Variants in TMEM63B observed in about 807,000 individuals in gnomAD.
TMEM63B encodes mechanosensitive cation channel TMEM63B.
A neutral mutation model predicts 102.6 loss-of-function variants in TMEM63B; 23 were observed. The ratio of observed to expected loss-of-function variants is 0.22; its 90% CI spans 0.16 to 0.32. TMEM63B has a LOEUF of 0.32. Ranked by LOEUF, TMEM63B falls within the 10% of genes least tolerant of loss-of-function variation. The pLI, the probability that TMEM63B is intolerant of heterozygous loss-of-function variation, is 1.00. For missense variants in TMEM63B, 628 were observed against 1,095.9 expected, an observed-to-expected ratio of 0.57 and a Z score of 6.03; for synonymous variants, 444 against 437.0, an observed-to-expected ratio of 1.02 and a Z score of -0.20.
intron 10 of TMEM63B, among the ~76,000 whole-genome samples, chr6:44,142,415 A>T (rs188735946): frequency 0.016 from 2,451 of 152,174 alleles, 27 homozygotes; most frequent in Middle Eastern, 0.058. Context: ...CAGTAGTCTC[A>T]GCTACTCAGG....
intron 5 of TMEM63B, 73 bp from the exon 6 acceptor site, chr6:44,138,407 T>C: frequency 6.3e-7 from 1 of 1,591,018 alleles, no homozygotes; most frequent in Non-Finnish European, 8.6e-7. Flanking sequence ...TGAGAATGGG[T>C]GGGACTTGAG....
rs771382368 is a variant in TMEM63B at position 44,149,977 on chromosome 6, C to T, written c.1520+12C>T. The T allele has an allele frequency of 6.2e-7, 1 of 1,606,810 alleles. No homozygotes were observed. Among genetic ancestry groups the T allele is most frequent in the African/African-American group, 1.3e-5 (1 of 74,896 alleles). ...GCCCACTGGACACGGTAAGGTGCCT[C>T]CACTCACACCACACCTCGCTGTGGC... On this transcript the variant is annotated intron_variant, in intron 16 of 23. Coordinates refer to ENST00000323267, the MANE Select transcript of TMEM63B (RefSeq NM_018426.3).
At chr6:44,154,296 G>A (rs1767523575) in intron 22 of TMEM63B, 69 bp from the exon 23 acceptor site, 2 of 1,604,236 alleles carry the variant, frequency 1.2e-6, no homozygotes, top group East Asian at 4.5e-5. Context: ...ACAGGGCCAA[G>A]CGGGCGTGGG....
intron 1 of TMEM63B, among the ~76,000 whole-genome samples, chr6:44,133,078 C>T (rs1199424996): frequency 1.3e-5 from 2 of 152,136 alleles, no homozygotes; most frequent in South Asian, 2.1e-4. Context: ...ATATATTATT[C>T]TTGAAACTGA....
In TMEM63B at chr6:44,152,582, C is replaced by CT; in HGVS notation, c.1837-10dup. On this transcript the variant is annotated splice_polypyrimidine_tract_variant and intron_variant, in intron 19 of 23. Transcript: ENST00000323267. This position sits in a 1 kb window ranked among gnomAD's most constrained non-coding sequence, Gnocchi z 6.4. The stretch of plus-strand genomic sequence containing the variant: ...CTCCCTGAGCCATCCTCCTGCCCGT[C>CT]TCCCCCCCAGCATCAGGCCTACGAG... 1.2e-6 allele frequency: 2 copies of CT among 1,605,254 alleles called. No individual in the cohort carries two copies. Among genetic ancestry groups the CT allele is most frequent in the Admixed American group, 1.7e-5 (1 of 59,994 alleles).
chr6:44,134,464 TG>T, intron 1 of TMEM63B, 96 bp from the exon 2 acceptor site: 1 of 1,305,830 alleles, frequency 7.7e-7, no homozygotes, highest in Non-Finnish European at 1.0e-6. Context: ...CCAGGCAGCC[TG>T]GTGATCTGTC....
chr6:44,132,306 AC>A, intron 1 of TMEM63B: 2 of 985,318 alleles, frequency 2.0e-6, no homozygotes, highest in Non-Finnish European at 2.4e-6. Flanking sequence ...TCAGTTACTA[AC>A]CATCTAGCTA....
intron 10 of TMEM63B, among the ~76,000 whole-genome samples, chr6:44,144,317 A>C (rs1373117291): frequency 6.6e-6 from 1 of 152,174 alleles, no homozygotes; most frequent in Non-Finnish European, 1.5e-5. Flanking sequence ...CAATTAGGAA[A>C]TATCTTGCAT....
chr6:44,148,359 C>T lies in TMEM63B; in HGVS notation c.1095C>T (p.Thr365=). The change falls in exon 13 of 24, where the codon ACC becomes ACT. Residue 365 remains threonine (T), a synonymous_variant. Coordinates refer to ENST00000323267, the MANE Select transcript of TMEM63B (RefSeq NM_018426.3). This position sits in a 1 kb window ranked among gnomAD's most constrained non-coding sequence, Gnocchi z 5.1. ...AGCCTCTTGGCATGGCCTTTGTCAC[C>T]TTCCACAATGAGACTATCACCGCCA... The part of the protein sequence containing the change: ...NEKPLGMAFV[T]FHNETITAII... The T allele has an allele frequency of 2.5e-6, 4 of 1,614,256 alleles. No homozygotes were observed. The highest frequency in any genetic ancestry group is 3.4e-6 in the Non-Finnish European group (4 of 1,180,048).
chr6:44,138,574 T>C (rs1249517674), intron 6 of TMEM63B, 57 bp downstream of exon 6: 12 of 1,608,566 alleles, frequency 7.5e-6, no homozygotes, highest in African/African-American at 1.3e-5. Flanking sequence ...ACCTGGCATC[T>C]CCCTACAAAA....
chr6:44,134,523 G>C (rs978898627), intron 1 of TMEM63B, 38 bp from the exon 2 acceptor site: 20 of 1,584,290 alleles, frequency 1.3e-5, no homozygotes, highest in Non-Finnish European at 1.7e-5. Context: ...TGAAGGGGAT[G>C]GGGGCAAGCC....
chr6:44,153,794 G>A lies in TMEM63B; in HGVS notation c.2061G>A (p.Ala687=), dbSNP rs753384706. 23 of 1,614,082 alleles carry A rather than the reference G, an allele frequency of 1.4e-5. No homozygotes were observed. Among genetic ancestry groups the A allele is most frequent in the East Asian group, 4.5e-5 (2 of 44,880 alleles). ...HSGAVNQVVA[A]PILCLFWLLF... is the part of the protein sequence containing the mutation. ...GGGCTGTGAACCAGGTGGTGGCCGC[G>A]CCCATCCTCTGCCTCTTCTGGCTGC... The change falls in exon 21 of 24, where the codon GCG becomes GCA. Residue 687 remains alanine (A), a synonymous_variant. Transcript: ENST00000323267.
intron 22 of TMEM63B, 65 bp from the exon 23 acceptor site, chr6:44,154,300 G>C (rs1184013989): frequency 2.5e-6 from 4 of 1,604,902 alleles, no homozygotes; most frequent in Non-Finnish European, 3.4e-6. Context: ...GGCCAAGCGG[G>C]CGTGGGGTCA....
chr6:44,153,055 T>C (rs1175224081), intron 20 of TMEM63B, among the ~76,000 whole-genome samples: 4 of 152,228 alleles, frequency 2.6e-5, no homozygotes, highest in Non-Finnish European at 5.9e-5. Flanking sequence ...GTGCACACTT[T>C]TACACCACCC....
rs761206304 is a variant in TMEM63B at position 44,149,007 on chromosome 6, G to A, written c.1413+62G>A. Reference sequence around the variant, plus strand: ...TCACAACACACAGATACCAGGCCCTGATCCCTCTTCCACTTGCCCAGCCCA... The same window carrying A: ...TCACAACACACAGATACCAGGCCCTAATCCCTCTTCCACTTGCCCAGCCCA... On this transcript the variant is annotated intron_variant, in intron 15 of 23. Transcript: ENST00000323267. 58 of 1,611,718 alleles carry A rather than the reference G, an allele frequency of 3.6e-5. No individual in the cohort carries two copies. In the Admixed American group the frequency reaches 9.3e-4, roughly 26 times the overall value.
chr6:44,138,819 G>T (rs1347380112), intron 6 of TMEM63B: 12 of 384,222 alleles, frequency 3.1e-5, no homozygotes, highest in Non-Finnish European at 5.4e-5. Flanking sequence ...GCCAGTGAGT[G>T]GGGGCAGCAG....
In TMEM63B at chr6:44,153,791, C is replaced by T. The variant is rs141122022; in HGVS notation, c.2058C>T (p.Ala686=). Residue 686 remains alanine (A), a synonymous_variant, in exon 21 of 24, where the codon GCC becomes GCT. Transcript: ENST00000323267. ...CGGGGGCTGTGAACCAGGTGGTGGC[C>T]GCGCCCATCCTCTGCCTCTTCTGGC... The part of the protein sequence containing the change: ...IHSGAVNQVV[A]APILCLFWLL... The T allele has an allele frequency of 4.8e-5, 77 of 1,614,096 alleles. No individual in the cohort carries two copies. Among genetic ancestry groups the T allele is most frequent in the South Asian group, 9.9e-5 (9 of 91,088 alleles).
intron 6 of TMEM63B, chr6:44,138,899 G>A (rs1266861526): frequency 6.7e-6 from 2 of 296,798 alleles, no homozygotes; most frequent in Non-Finnish European, 1.3e-5. Flanking sequence ...CAGGCAGGCA[G>A]TGAGCGCTGA....
chr6:44,153,952 G>A (rs1311282237), intron 21 of TMEM63B, 109 bp downstream of exon 21: 31 of 1,562,162 alleles, frequency 2.0e-5, no homozygotes, highest in African/African-American at 2.7e-5. Flanking sequence ...AGGGGCCTGG[G>A]AGAGGCTGGG....
Sources: allele counts gnomAD v4.1 joint callset (sites outside exome capture counted in the v4.1 genomes callset), GRCh38; gene constraint gnomAD v4.1.1; non-coding constraint Gnocchi (gnomAD v3.1); transcripts MANE v1.5; gene names NCBI Gene and HGNC (gene_info 2026-07-23, HGNC 2026-07-21).